POLR3E: variants seen among roughly 807,000 people sequenced by gnomAD.
POLR3E encodes the protein DNA-directed RNA polymerase III subunit RPC5.
Under a neutral mutation model 96.6 loss-of-function variants are expected in POLR3E, and 41 were observed. That is an observed-to-expected ratio of 0.42 (90% CI 0.33 to 0.55). POLR3E has a LOEUF of 0.55. Among genes scored for constraint, POLR3E ranks in the 20% least tolerant of loss-of-function variants. The probability of loss-of-function intolerance (pLI) is 0.06; values close to 1 mark genes in which losing one functional copy is unlikely to be tolerated. For synonymous variants in POLR3E, 396 were observed against 383.6 expected, an observed-to-expected ratio of 1.03 and a Z score of -0.38; for missense variants, 849 against 952.1, an observed-to-expected ratio of 0.89 and a Z score of 1.43.
intron 6 of POLR3E, chr16:22,310,300 G>GT (rs1436935776): frequency 6.4e-6 from 1 of 155,110 alleles, no homozygotes; most frequent in Non-Finnish European, 1.4e-5. Flanking sequence ...GTTTTGTTTT[G>GT]TTTTGAGACA....
At chr16:22,305,808 C>T (rs1486776137) in intron 3 of POLR3E, among the ~76,000 whole-genome samples, 2 of 152,106 alleles carry the variant, frequency 1.3e-5, no homozygotes, top group Non-Finnish European at 2.9e-5. Context: ...GAGCATTGAC[C>T]GTATGCAGAC....
Position 22,328,492 on chromosome 16 carries a change from C to T in POLR3E, c.1867-18C>T. The T allele has an allele frequency of 6.2e-7, 1 of 1,610,530 alleles. No individual in the cohort carries two copies. Among genetic ancestry groups the T allele is most frequent in the East Asian group, 2.2e-5 (1 of 44,852 alleles). On this transcript the variant is annotated intron_variant, in intron 18 of 20. Transcript: ENST00000299853. Reference sequence around the variant, plus strand: ...GGGGTAGAGATGGACAAGCAACTCACCCCTGGGCCTTGGTCAGTTTCCCCC... The same window carrying T: ...GGGGTAGAGATGGACAAGCAACTCATCCCTGGGCCTTGGTCAGTTTCCCCC...
chr16:22,310,473 G>A (rs2048222713), intron 6 of POLR3E, among the ~76,000 whole-genome samples: 1 of 152,030 alleles, frequency 6.6e-6, no homozygotes, highest in Non-Finnish European at 1.5e-5. Context: ...CTTTAGTAGA[G>A]ATGGGATTCT....
At chr16:22,329,817 C>T (rs989931571) in intron 19 of POLR3E, among the ~76,000 whole-genome samples, 16 of 152,114 alleles carry the variant, frequency 1.1e-4, no homozygotes, top group Admixed American at 4.6e-4. Context: ...TTAATAGAAA[C>T]AGGGTCTCAC....
At chr16:22,328,140 T>A (rs1457347977) in intron 18 of POLR3E, 1 of 196,402 alleles carries the variant, frequency 5.1e-6, no homozygotes, top group Non-Finnish European at 1.0e-5. Flanking sequence ...GTTGGCATCT[T>A]CAGGAGGGAG....
intron 18 of POLR3E, 39 bp downstream of exon 18, chr16:22,326,317 G>C (rs528222681): frequency 6.5e-6 from 3 of 462,452 alleles, no homozygotes; most frequent in Non-Finnish European, 4.3e-6. Flanking sequence ...TGGGGGGTGG[G>C]GGGTGGGGAG....
chr16:22,311,193 T>G (rs2141755597), intron 6 of POLR3E, among the ~76,000 whole-genome samples: 1 of 151,296 alleles, frequency 6.6e-6, no homozygotes, highest in Non-Finnish European at 1.5e-5. Context: ...GGTCTCGAAC[T>G]CCTGACCTCA....
At chr16:22,302,168 G>T (rs554712425) in intron 1 of POLR3E, among the ~76,000 whole-genome samples, 1 of 151,890 alleles carries the variant, frequency 6.6e-6, no homozygotes, top group Non-Finnish European at 1.5e-5. Context: ...TCTTCCAGGC[G>T]CACCTAACGT....
In POLR3E at chr16:22,326,090, C is replaced by T. The variant is rs370224362; in HGVS notation, c.1678C>T (p.Arg560Trp). ...GGGCTGCGCCAGCACCCCTGTGGCT[C>T]GGGAACTGAAGGCCTTCGTGGAGGC... ...PQGCASTPVA[R>W]ELKAFVEATF... The change falls in exon 18 of 21, where the codon CGG (arginine) becomes TGG (tryptophan). Residue 560 changes from arginine to tryptophan, a missense_variant. Coordinates refer to ENST00000299853, the MANE Select transcript of POLR3E (RefSeq NM_018119.4). 3.7e-5 allele frequency: 59 copies of T among 1,613,198 alleles called. No individual in the cohort carries two copies. The highest frequency in any genetic ancestry group is 4.5e-5 in the Non-Finnish European group (53 of 1,179,696).
At chr16:22,321,380 T>A (rs1168645698) in intron 13 of POLR3E, among the ~76,000 whole-genome samples, 2 of 152,226 alleles carry the variant, frequency 1.3e-5, no homozygotes, top group African/African-American at 2.4e-5. Flanking sequence ...CTCATAGTTG[T>A]AGAGTATATT....
At chr16:22,300,657 C>G (rs2141720641) in intron 1 of POLR3E, among the ~76,000 whole-genome samples, 1 of 152,348 alleles carries the variant, frequency 6.6e-6, no homozygotes, top group African/African-American at 2.4e-5. Flanking sequence ...TGCCCTCTGT[C>G]TGCACAGCAG....
rs2048177996 is a variant in POLR3E at position 22,308,403 on chromosome 16, A to C, written c.165+178A>C. 1.6e-5 allele frequency: 10 copies of C among 617,610 alleles called. No homozygotes were observed. The South Asian group carries it at 1.8e-4, about 11-fold the overall frequency. The allele number at this position is 617,610 out of a possible 1,614,324, so 38.3% of individuals were successfully genotyped here. A position where few individuals can be genotyped will look rare whatever the true frequency, so the allele number is the denominator to read the frequency against. On this transcript the variant is annotated intron_variant, in intron 4 of 20. Transcript: ENST00000299853. The stretch of plus-strand genomic sequence containing the variant: ...GAAAGACAGGGATGGGCAGCTCCAG[A>C]GAGGCCAGGGACGCATGAGGCTGAT...
At chr16:22,328,373 G>T in intron 18 of POLR3E, 137 bp from the exon 19 acceptor site, 1 of 723,050 alleles carries the variant, frequency 1.4e-6, no homozygotes, top group South Asian at 1.7e-5. Flanking sequence ...AAGGCCCTCA[G>T]AGATGGTGAG....
chr16:22,305,575 C>A, intron 3 of POLR3E: 1 of 449,768 alleles, frequency 2.2e-6, no homozygotes, highest in South Asian at 1.7e-5. Flanking sequence ...CATAGGTCCC[C>A]AGGAGGACAG....
chr16:22,309,635 G>A (rs1567313041), intron 6 of POLR3E, 125 bp downstream of exon 6: 5 of 762,428 alleles, frequency 6.6e-6, no homozygotes, highest in Non-Finnish European at 1.2e-5. Flanking sequence ...GTGGGGGCCG[G>A]GCAGGTGTGG....
intron 20 of POLR3E, among the ~76,000 whole-genome samples, chr16:22,333,370 T>G (rs1207178784): frequency 6.6e-6 from 1 of 150,608 alleles, no homozygotes; most frequent in African/African-American, 2.4e-5. Context: ...GAGAATCGCT[T>G]GAACCTGGGA....
chr16:22,317,638 TTTG>T (rs763710808), intron 12 of POLR3E, among the ~76,000 whole-genome samples: 93 of 151,212 alleles, frequency 6.2e-4, no homozygotes, highest in South Asian at 1.9e-3. Context: ...CTAGGGGCTT[TTTG>T]TTGTTGTTGT....
In POLR3E at chr16:22,304,869, G is replaced by A. The variant is rs1307443222; in HGVS notation, c.37-287G>A. Among the ~76,000 whole-genome samples the A allele has an allele frequency of 2.0e-5, 3 of 152,162 alleles. No individual in the cohort carries two copies. In the East Asian group the frequency reaches 5.8e-4, roughly 29 times the overall value. On this transcript the variant is annotated intron_variant, in intron 2 of 20. Transcript: ENST00000299853. The stretch of plus-strand genomic sequence containing the variant: ...GGCTGTAGGACGTTTCCCGATCAGT[G>A]CAGCCCCAGGGAAGATGTGTGCTTA...
chr16:22,304,792 A>G (rs2048100522), intron 2 of POLR3E, among the ~76,000 whole-genome samples: 1 of 152,174 alleles, frequency 6.6e-6, no homozygotes, highest in East Asian at 1.9e-4. Context: ...GCCAGGAGGC[A>G]CAGGCCTAGG....
Sources: allele counts gnomAD v4.1 joint callset (sites outside exome capture counted in the v4.1 genomes callset), GRCh38; gene constraint gnomAD v4.1.1; transcripts MANE v1.5; gene names NCBI Gene and HGNC (gene_info 2026-07-23, HGNC 2026-07-21).